Variants in ELMOD2 observed in about 807,000 individuals in gnomAD.
The protein encoded by ELMOD2 is ELMO domain-containing protein 2.
A neutral mutation model predicts 41.0 loss-of-function variants in ELMOD2; 28 were observed. The observed-to-expected ratio is 0.68, with a 90% confidence interval of 0.51 to 0.94. The LOEUF (loss-of-function observed/expected upper bound fraction) is 0.94. Among genes scored for constraint, ELMOD2 ranks in the 40% least tolerant of loss-of-function variants. The pLI is 0.00. For missense variants in ELMOD2, 333 were observed against 343.1 expected (o/e 0.97, Z 0.23); for synonymous variants, 106 against 107.2 (o/e 0.99, Z 0.07).
chr4:140,540,979 A>G (rs1735089427), intron 6 of ELMOD2, among the ~76,000 whole-genome samples: 1 of 152,184 alleles, frequency 6.6e-6, no homozygotes, highest in African/African-American at 2.4e-5. Context: ...GTTCTTCACC[A>G]CCTGTGACAA....
At chr4:140,543,080 CAT>C (rs901308071) in intron 7 of ELMOD2, among the ~76,000 whole-genome samples, 18 of 151,800 alleles carry the variant, frequency 1.2e-4, no homozygotes, top group Non-Finnish European at 2.4e-4. Flanking sequence ...AATGTTAGAT[CAT>C]AAAAATAAGT....
At chr4:140,531,902 A>T (rs888168801) in intron 3 of ELMOD2, among the ~76,000 whole-genome samples, 1 of 152,206 alleles carries the variant, frequency 6.6e-6, no homozygotes, top group African/African-American at 2.4e-5. Context: ...ACAAATCTCT[A>T]ATCTTGGCTT....
chr4:140,526,440 C>A (rs1176209460), intron 2 of ELMOD2, among the ~76,000 whole-genome samples: 1 of 152,140 alleles, frequency 6.6e-6, no homozygotes, highest in African/African-American at 2.4e-5. Context: ...GAAGTCGCTT[C>A]TTTTCAGCCA....
intron 2 of ELMOD2, 98 bp from the exon 3 acceptor site, chr4:140,527,368 T>C: frequency 2.2e-6 from 2 of 924,512 alleles, no homozygotes; most frequent in Non-Finnish European, 3.4e-6. Context: ...AACTATTAGT[T>C]TGTTACTGGT....
intron 2 of ELMOD2, chr4:140,526,942 A>G (rs1734582232): frequency 6.6e-6 from 1 of 152,236 alleles, no homozygotes; most frequent in African/African-American, 2.4e-5. Context: ...AGACCAATAA[A>G]AATGTTCCTG....
intron 5 of ELMOD2, among the ~76,000 whole-genome samples, chr4:140,538,452 A>G (rs1332214141): frequency 2.6e-5 from 4 of 152,214 alleles, no homozygotes; most frequent in African/African-American, 9.6e-5. Context: ...TTAAAAGTGT[A>G]TTTTGTTAAA....
chr4:140,544,310 C>G (rs138222560), intron 8 of ELMOD2, among the ~76,000 whole-genome samples: 1 of 152,104 alleles, frequency 6.6e-6, no homozygotes, highest in East Asian at 1.9e-4. Flanking sequence ...TTGAAAATAT[C>G]CATGTCTCCT....
At chr4:140,524,616 G>A in intron 1 of ELMOD2, 2 of 985,440 alleles carry the variant, frequency 2.0e-6, no homozygotes, top group Non-Finnish European at 2.4e-6. Flanking sequence ...ACTGACCTGC[G>A]GGTACTTCGA....
At position 140,550,223 on chromosome 4, in the gene ELMOD2, A is replaced by ACTG; in HGVS notation, c.737-5_737-3dup. Reference sequence around the variant, plus strand: ...GGATTAAATGTTTTGTTTTTCTTTAACTGCAGGTTATCTTGTCTATGAATT... The same window carrying ACTG: ...GGATTAAATGTTTTGTTTTTCTTTAACTGCTGCAGGTTATCTTGTCTATGAATT... On this transcript the variant is annotated splice_polypyrimidine_tract_variant and splice_region_variant and intron_variant, in intron 8 of 8. Transcript: ENST00000323570. 2 of 1,604,724 alleles carry ACTG rather than the reference A, an allele frequency of 1.2e-6. No individual in the cohort carries two copies. The highest frequency in any genetic ancestry group is 1.7e-6 in the Non-Finnish European group (2 of 1,174,778).
intron 3 of ELMOD2, among the ~76,000 whole-genome samples, chr4:140,530,263 A>C (rs1007783156): frequency 6.6e-6 from 1 of 152,208 alleles, no homozygotes; most frequent in African/African-American, 2.4e-5. Flanking sequence ...GCCAAGCTTA[A>C]GTGGAACAAT....
intron 8 of ELMOD2, among the ~76,000 whole-genome samples, chr4:140,549,608 C>T (rs1025916570): frequency 8.1e-5 from 11 of 136,536 alleles, no homozygotes; most frequent in East Asian, 7.3e-4. Context: ...AACATTTTTT[C>T]GTTACTTGCA....
At chr4:140,524,681 G>GT (rs1487789050) in intron 1 of ELMOD2, 1 of 983,860 alleles carries the variant, frequency 1.0e-6, no homozygotes, top group Non-Finnish European at 1.2e-6. Context: ...CTGTGGGAAT[G>GT]TTTAAGGCAG....
intron 6 of ELMOD2, among the ~76,000 whole-genome samples, chr4:140,541,657 A>AAT (rs1196572087): frequency 3.3e-5 from 5 of 151,970 alleles, no homozygotes; most frequent in Admixed American, 6.6e-5. Context: ...CTCCCCGGGA[A>AAT]ATATATATAT....
chr4:140,532,168 T>TG (rs942413506), intron 3 of ELMOD2, among the ~76,000 whole-genome samples: 7 of 145,002 alleles, frequency 4.8e-5, no homozygotes, highest in Admixed American at 4.1e-4. Context: ...GTTGAGTTGT[T>TG]TTTTTTTTTT....
chr4:140,533,430 A>G (rs1734812871), intron 3 of ELMOD2, among the ~76,000 whole-genome samples: 1 of 152,194 alleles, frequency 6.6e-6, no homozygotes, highest in African/African-American at 2.4e-5. Context: ...TTCAATAAAT[A>G]GTGCTGGAAC....
intron 8 of ELMOD2, among the ~76,000 whole-genome samples, chr4:140,549,357 A>ATATG (rs376699079): frequency 0.094 from 14,137 of 150,140 alleles, 738 homozygotes; most frequent in East Asian, 0.28. Context: ...GTTTACATAT[A>ATATG]TGTGTGTGTG....
intron 6 of ELMOD2, among the ~76,000 whole-genome samples, chr4:140,541,858 G>A (rs903567553): frequency 2.6e-5 from 4 of 152,010 alleles, no homozygotes; most frequent in African/African-American, 7.2e-5. Flanking sequence ...AAATTTCTAT[G>A]CTTTATGAAA....
At chr4:140,547,493 G>A (rs914310720) in intron 8 of ELMOD2, among the ~76,000 whole-genome samples, 1 of 151,678 alleles carries the variant, frequency 6.6e-6, no homozygotes, top group Admixed American at 6.6e-5. Context: ...AGTTTTGTAG[G>A]GCCAAAATTT....
intron 8 of ELMOD2, among the ~76,000 whole-genome samples, chr4:140,545,268 C>T (rs1335405390): frequency 6.6e-6 from 1 of 152,128 alleles, no homozygotes; most frequent in Non-Finnish European, 1.5e-5. Flanking sequence ...CCACATTCTC[C>T]TGGCTTTTCT....
Sources: allele counts gnomAD v4.1 joint callset (sites outside exome capture counted in the v4.1 genomes callset), GRCh38; gene constraint gnomAD v4.1.1; transcripts MANE v1.5; gene names NCBI Gene and HGNC (gene_info 2026-07-23, HGNC 2026-07-21).